The following ADAM12 variants were observed in gnomAD, a reference collection of about 807,000 sequenced individuals.
ADAM12 encodes the protein disintegrin and metalloproteinase domain-containing protein 12.
In ADAM12, 70 loss-of-function variants were observed where a neutral mutation model predicts 106.4. That is an observed-to-expected ratio of 0.66 (90% CI 0.54 to 0.80). The LOEUF (loss-of-function observed/expected upper bound fraction) is 0.80. ADAM12 is among the 30% of genes least tolerant of loss of function. The probability of loss-of-function intolerance (pLI) is 0.00; values close to 1 mark genes in which losing one functional copy is unlikely to be tolerated. For missense variants in ADAM12, 1,010 were observed against 1,171.9 expected, an observed-to-expected ratio of 0.86 and a Z score of 2.02; for synonymous variants, 420 against 433.5, an observed-to-expected ratio of 0.97 and a Z score of 0.39.
At chr10:126,093,352 G>A (rs1955500288) in intron 11 of ADAM12, among the ~76,000 whole-genome samples, 1 of 152,144 alleles carries the variant, frequency 6.6e-6, no homozygotes, top group Non-Finnish European at 1.5e-5. Flanking sequence ...GCTCTTTTCT[G>A]GTTGAACCAA....
chr10:126,112,238 G>T lies in ADAM12; in HGVS notation c.604-2398C>A, dbSNP rs115849976. 7.8e-3 allele frequency among the ~76,000 whole-genome samples: 1,188 copies of T among 152,030 alleles called. 7 individuals carry two copies. The highest frequency in any genetic ancestry group is 0.025 in the African/African-American group (1,031 of 41,436). ...GGGCCTGTTGAGGGGTGGGGGATGA[G>T]AGGAGGGAATTTAGAGGATGGGTCA... On this transcript the variant is annotated intron_variant, in intron 6 of 22. Coordinates refer to ENST00000448723, the MANE Select transcript of ADAM12 (RefSeq NM_001288973.2).
At chr10:126,272,433 TAA>T (rs1192641843) in intron 3 of ADAM12, among the ~76,000 whole-genome samples, 1 of 152,200 alleles carries the variant, frequency 6.6e-6, no homozygotes, top group Non-Finnish European at 1.5e-5. Context: ...ATGACTTTTA[TAA>T]CTTTTGATCT....
intron 9 of ADAM12, among the ~76,000 whole-genome samples, chr10:126,098,929 A>C (rs1355808163): frequency 1.3e-5 from 2 of 152,248 alleles, no homozygotes; most frequent in Non-Finnish European, 2.9e-5. Flanking sequence ...AACTTACTAC[A>C]GTTCTGCCAG....
intron 11 of ADAM12, among the ~76,000 whole-genome samples, chr10:126,092,033 T>A (rs929510140): frequency 4.6e-5 from 7 of 152,190 alleles, no homozygotes; most frequent in African/African-American, 1.7e-4. Context: ...CTAAACTGCC[T>A]ATATTATTTT....
At chr10:126,124,320 G>T (rs527248258) in intron 5 of ADAM12, among the ~76,000 whole-genome samples, 5 of 151,910 alleles carry the variant, frequency 3.3e-5, no homozygotes, top group African/African-American at 1.2e-4. Flanking sequence ...CAACTCCTGG[G>T]TAAAAGTAAT....
At position 126,219,740 on chromosome 10, in the gene ADAM12, C is replaced by T. The variant is rs571329948; in HGVS notation, c.260+59175G>A. Among the ~76,000 whole-genome samples, 16 of 152,238 alleles carry T rather than the reference C, an allele frequency of 1.1e-4. No homozygotes were observed. In the East Asian group the frequency reaches 2.5e-3, roughly 24 times the overall value. On this transcript the variant is annotated intron_variant, in intron 3 of 22. Transcript: ENST00000448723. The stretch of plus-strand genomic sequence containing the variant: ...GCTGTTAGTTAAACCATCCATTTAA[C>T]GGGTACATTAATTAATGCCACCTAT...
intron 2 of ADAM12, among the ~76,000 whole-genome samples, chr10:126,302,280 G>A (rs528114326): frequency 6.6e-6 from 1 of 152,312 alleles, no homozygotes; most frequent in South Asian, 2.1e-4. Context: ...CCTTTTACAA[G>A]ATGGGGGCTC....
intron 21 of ADAM12, among the ~76,000 whole-genome samples, chr10:126,033,405 T>C (rs923311291): frequency 6.6e-6 from 1 of 152,192 alleles, no homozygotes; most frequent in Admixed American, 6.5e-5. Context: ...TCCTGCTAAG[T>C]GCAACAAAAA....
chr10:126,332,112 C>CA (rs1391394345), intron 1 of ADAM12, among the ~76,000 whole-genome samples: 1 of 152,180 alleles, frequency 6.6e-6, no homozygotes, highest in Admixed American at 6.5e-5. Flanking sequence ...GCTGCGGGGC[C>CA]ACGGGCCAGT....
chr10:126,255,225 C>T (rs995754009), intron 3 of ADAM12, among the ~76,000 whole-genome samples: 1 of 152,206 alleles, frequency 6.6e-6, no homozygotes, highest in South Asian at 2.1e-4. Context: ...GTACAGGTTT[C>T]TTCCTGTCTT....
chr10:126,292,019 T>A (rs550048086), intron 2 of ADAM12, among the ~76,000 whole-genome samples: 1 of 151,888 alleles, frequency 6.6e-6, no homozygotes, highest in African/African-American at 2.4e-5. Context: ...AATCAGCCAG[T>A]CATGAAGCCC....
intron 14 of ADAM12, among the ~76,000 whole-genome samples, chr10:126,055,717 C>T (rs1249939352): frequency 1.3e-5 from 2 of 152,188 alleles, no homozygotes; most frequent in Non-Finnish European, 2.9e-5. Context: ...CTTTCCTCTT[C>T]GGAACCACCA....
At chr10:126,276,941 A>G (rs184266517) in intron 3 of ADAM12, among the ~76,000 whole-genome samples, 243 of 152,314 alleles carry the variant, frequency 1.6e-3, no homozygotes, top group African/African-American at 5.4e-3. Context: ...GGAACCATGG[A>G]CAAGGCTATT....
At chr10:126,083,137 C>T (rs893472364) in intron 11 of ADAM12, among the ~76,000 whole-genome samples, 7 of 152,318 alleles carry the variant, frequency 4.6e-5, no homozygotes, top group South Asian at 2.1e-4. Context: ...CTGCCTGGAG[C>T]GGGGCTGGCC....
intron 3 of ADAM12, among the ~76,000 whole-genome samples, chr10:126,256,707 T>A (rs1335826585): frequency 4.6e-5 from 7 of 152,292 alleles, no homozygotes; most frequent in African/African-American, 1.7e-4. Flanking sequence ...GCAGAGGAAC[T>A]GGAGAAAATT....
chr10:126,243,356 C>A (rs1440431792), intron 3 of ADAM12, among the ~76,000 whole-genome samples: 1 of 152,168 alleles, frequency 6.6e-6, no homozygotes, highest in Admixed American at 6.5e-5. Flanking sequence ...CCAGAGCAAA[C>A]CTTTATTGAT....
intron 2 of ADAM12, among the ~76,000 whole-genome samples, chr10:126,290,693 C>G (rs12241583): frequency 6.6e-6 from 1 of 152,134 alleles, no homozygotes; most frequent in Admixed American, 6.5e-5. Context: ...TAATAAATGA[C>G]GCTTCAAAAA....
At chr10:126,116,640 C>A (rs1486295355) in intron 6 of ADAM12, among the ~76,000 whole-genome samples, 4 of 151,772 alleles carry the variant, frequency 2.6e-5, no homozygotes, top group Non-Finnish European at 5.9e-5. Flanking sequence ...TGTGATGGGG[C>A]AGGAAACGAA....
intron 5 of ADAM12, among the ~76,000 whole-genome samples, chr10:126,118,451 T>A (rs1956028004): frequency 6.6e-6 from 1 of 152,254 alleles, no homozygotes; most frequent in Admixed American, 6.5e-5. Context: ...TGAAATATTT[T>A]ATGGTAAAGA....
Sources: gnomAD v4.1 joint callset for allele counts (sites outside exome capture counted in the v4.1 genomes callset) on GRCh38, gnomAD v4.1.1 for gene constraint, MANE v1.5 for transcripts, NCBI Gene and HGNC (gene_info 2026-07-23, HGNC 2026-07-21) for gene names.